The following EYS variants were observed in gnomAD, a reference collection of about 807,000 sequenced individuals.
EYS encodes the protein EGF-like photoreceptor maintenance factor.
A neutral mutation model predicts 282.1 loss-of-function variants in EYS; 250 were observed. The observed-to-expected ratio is 0.89, with a 90% CI of 0.80 to 0.98. The LOEUF is 0.98. Ranked by LOEUF, EYS falls within the 50% of genes least tolerant of loss-of-function variation. The pLI is 0.00. For synonymous variants in EYS, 1,355 were observed against 1,282.9 expected (o/e 1.06, Z -1.20); for missense variants, 4,016 against 3,709.0 (o/e 1.08, Z -2.15).
chr6:64,361,588 A>G (rs965838787), intron 29 of EYS, among the ~76,000 whole-genome samples: 2 of 151,850 alleles, frequency 1.3e-5, no homozygotes, highest in African/African-American at 4.8e-5. Context: ...AATAAAAGCA[A>G]CTATCTTTCA....
chr6:63,941,897 C>T (rs1045594976), intron 35 of EYS, among the ~76,000 whole-genome samples: 1 of 152,164 alleles, frequency 6.6e-6, no homozygotes, highest in Non-Finnish European at 1.5e-5. Flanking sequence ...GAATTGGTTC[C>T]ATTAATGCTT....
chr6:64,181,541 A>C (rs895115772), intron 31 of EYS, among the ~76,000 whole-genome samples: 1 of 152,094 alleles, frequency 6.6e-6, no homozygotes, highest in Non-Finnish European at 1.5e-5. Context: ...TTTCTTTATT[A>C]CATTTCTGGT....
intron 36 of EYS, among the ~76,000 whole-genome samples, chr6:63,831,098 G>C (rs1363837096): frequency 6.6e-6 from 1 of 152,174 alleles, no homozygotes; most frequent in African/African-American, 2.4e-5. Flanking sequence ...ACCAGTACCA[G>C]CCATTGCAAA....
intron 41 of EYS, among the ~76,000 whole-genome samples, chr6:63,751,388 AG>A (rs750951270): frequency 1.3e-5 from 2 of 152,202 alleles, no homozygotes; most frequent in East Asian, 3.8e-4. Flanking sequence ...GCAGAGAAAA[AG>A]AGGTAAGAAT....
intron 5 of EYS, among the ~76,000 whole-genome samples, chr6:65,439,268 A>G (rs1477590289): frequency 2.0e-5 from 3 of 152,154 alleles, no homozygotes; most frequent in African/African-American, 7.2e-5. Flanking sequence ...CTTGCAGTAT[A>G]GTCAGGTAGA....
chr6:64,859,002 A>T (rs907974031), intron 19 of EYS, among the ~76,000 whole-genome samples: 72 of 152,106 alleles, frequency 4.7e-4, no homozygotes, highest in African/African-American at 1.7e-3. Context: ...CAAAAGAAAG[A>T]AATGAAAAGT....
intron 5 of EYS, among the ~76,000 whole-genome samples, chr6:65,438,867 C>T (rs1768191693): frequency 6.6e-6 from 1 of 152,126 alleles, no homozygotes; most frequent in African/African-American, 2.4e-5. Context: ...AATTAGATCC[C>T]ATTTGTCAAT....
intron 2 of EYS, among the ~76,000 whole-genome samples, chr6:65,628,533 T>C (rs1356953921): frequency 6.6e-6 from 1 of 152,164 alleles, no homozygotes; most frequent in Admixed American, 6.6e-5. Flanking sequence ...CTGCACACTC[T>C]TTGGGTCCAC....
intron 2 of EYS, among the ~76,000 whole-genome samples, chr6:65,549,578 A>T (rs1562253892): frequency 6.6e-6 from 1 of 152,178 alleles, no homozygotes; most frequent in Non-Finnish European, 1.5e-5. Context: ...ACATGTGCCC[A>T]GTGCACTCCC....
chr6:65,369,279 A>T (rs1013132407), intron 8 of EYS, among the ~76,000 whole-genome samples: 1 of 116,964 alleles, frequency 8.5e-6, no homozygotes, highest in African/African-American at 2.7e-5. Flanking sequence ...ATATATATTT[A>T]TATATATTAT....
chr6:65,526,760 C>T (rs1466151950), intron 2 of EYS, among the ~76,000 whole-genome samples: 1 of 152,070 alleles, frequency 6.6e-6, no homozygotes, highest in African/African-American at 2.4e-5. Context: ...GAGCCCAGAT[C>T]GCGCCACTGC....
intron 22 of EYS, among the ~76,000 whole-genome samples, chr6:64,773,512 G>A (rs1322952877): frequency 6.6e-6 from 1 of 151,702 alleles, no homozygotes; most frequent in African/African-American, 2.4e-5. Context: ...TTGCTGGATC[G>A]AATGTTAATT....
At chr6:65,093,343 G>A (rs1581903748) in intron 12 of EYS, among the ~76,000 whole-genome samples, 1 of 151,858 alleles carries the variant, frequency 6.6e-6, no homozygotes, top group South Asian at 2.1e-4. Context: ...AAAACTTAAT[G>A]AGTAAATGTA....
intron 31 of EYS, among the ~76,000 whole-genome samples, chr6:64,101,978 A>C (rs1396418169): frequency 6.6e-6 from 1 of 151,872 alleles, no homozygotes; most frequent in Non-Finnish European, 1.5e-5. Context: ...GCCACTGCTT[A>C]TCTGACAGCG....
intron 31 of EYS, among the ~76,000 whole-genome samples, chr6:64,197,965 T>C (rs1180237674): frequency 6.6e-6 from 1 of 151,242 alleles, no homozygotes; most frequent in Non-Finnish European, 1.5e-5. Context: ...TATTTTACAC[T>C]ATTTCTTTTT....
chr6:64,731,343 A>T (rs1771957405), intron 22 of EYS, among the ~76,000 whole-genome samples: 1 of 152,104 alleles, frequency 6.6e-6, no homozygotes, highest in Admixed American at 6.5e-5. Context: ...ACAAACAAAA[A>T]AACAAAAAAC....
At position 64,593,128 on chromosome 6, in the gene EYS, G is replaced by A. The variant is rs779418130; in HGVS notation, c.3866C>T (p.Pro1289Leu). ...CCACTTCTACTTACCTTGATCAACT[G>A]GGTAAGTGTCCATTATGGCTGGTAT... ...TRIPAIMDTY[P>L]VDQGPKQTGI... Residue 1289 changes from proline (P) to leucine (L), a missense_variant, in exon 25 of 43, where the codon CCA becomes CTA. Transcript: ENST00000503581. 3.3e-6 allele frequency: 5 copies of A among 1,529,866 alleles called. No individual in the cohort carries two copies. In the South Asian group the frequency reaches 6.3e-5, roughly 19 times the overall value. 94.8% of individuals were successfully genotyped at this position (1,529,866 alleles called of 1,614,324 possible).
chr6:64,334,151 G>C (rs1770751389), intron 29 of EYS, among the ~76,000 whole-genome samples: 1 of 152,160 alleles, frequency 6.6e-6, no homozygotes, highest in African/African-American at 2.4e-5. Flanking sequence ...GTGTCAGACT[G>C]TAATCCTTTT....
intron 2 of EYS, among the ~76,000 whole-genome samples, chr6:65,602,811 A>C (rs554233150): frequency 6.6e-6 from 1 of 151,980 alleles, no homozygotes; most frequent in African/African-American, 2.4e-5. Flanking sequence ...AGAGACAGGG[A>C]AGCCTTTTTG....
Sources: allele counts gnomAD v4.1 joint callset (sites outside exome capture counted in the v4.1 genomes callset), GRCh38; gene constraint gnomAD v4.1.1; transcripts MANE v1.5; gene names NCBI Gene and HGNC (gene_info 2026-07-23, HGNC 2026-07-21).